CLYBL: variants seen among roughly 807,000 people sequenced by gnomAD.
CLYBL encodes the protein citramalyl-CoA lyase, mitochondrial.
In CLYBL, 31 loss-of-function variants were observed where a neutral mutation model predicts 38.9. The ratio of observed to expected loss-of-function variants is 0.80; its 90% confidence interval spans 0.60 to 1.08. The LOEUF (loss-of-function observed/expected upper bound fraction) is 1.08. Among genes scored for constraint, CLYBL ranks in the 50% least tolerant of loss-of-function variants. The pLI is 0.00. For synonymous variants in CLYBL, 171 were observed against 158.6 expected, an observed-to-expected ratio of 1.08 and a Z score of -0.59; for missense variants, 434 against 411.6, an observed-to-expected ratio of 1.05 and a Z score of -0.47.
chr13:99,857,418 G>GGA (rs2051487335), intron 2 of CLYBL, among the ~76,000 whole-genome samples: 1 of 152,330 alleles, frequency 6.6e-6, no homozygotes, highest in East Asian at 1.9e-4. Context: ...GGTATGATGT[G>GGA]GAACCAAGCC....
chr13:99,770,824 C>T (rs1219211255), intron 1 of CLYBL, among the ~76,000 whole-genome samples: 3 of 151,648 alleles, frequency 2.0e-5, no homozygotes, highest in African/African-American at 7.3e-5. Context: ...TGGGTTCAAG[C>T]GATTCTCCTG....
At chr13:99,757,518 T>C (rs1249500874) in intron 1 of CLYBL, among the ~76,000 whole-genome samples, 1 of 152,208 alleles carries the variant, frequency 6.6e-6, no homozygotes, top group Non-Finnish European at 1.5e-5. Context: ...TGCAGTGGCA[T>C]GATCTCGGCT....
chr13:99,709,945 A>T (rs1294744092), intron 1 of CLYBL, among the ~76,000 whole-genome samples: 2 of 106,648 alleles, frequency 1.9e-5, no homozygotes, highest in Admixed American at 1.3e-4. Flanking sequence ...TTTTTTTGAG[A>T]CGGAGTCTCG....
chr13:99,717,895 T>C (rs1214241098), intron 1 of CLYBL, among the ~76,000 whole-genome samples: 3 of 152,218 alleles, frequency 2.0e-5, no homozygotes, highest in African/African-American at 7.2e-5. Context: ...ATAGGATCAC[T>C]TCAGATTTCC....
In CLYBL at chr13:99,784,447, C is replaced by CTTTTTTTTTTTTTTTTTTTTTTT. The variant is rs1566325856; in HGVS notation, c.249+11438_249+11439insTTTTTTTTTTTTTTTTTTTTTTT. Among the ~76,000 whole-genome samples the CTTTTTTTTTTTTTTTTTTTTTTT allele has an allele frequency of 2.0e-5, 2 of 99,436 alleles. 1 individual carries two copies. Among genetic ancestry groups the CTTTTTTTTTTTTTTTTTTTTTTT allele is most frequent in the African/African-American group, 6.5e-5 (2 of 30,908 alleles). 65.2% of individuals were successfully genotyped at this position (99,436 alleles called of 152,430 possible). On this transcript the variant is annotated intron_variant, in intron 2 of 8. Coordinates refer to ENST00000339105, the MANE Select transcript of CLYBL (RefSeq NM_206808.5). Reference sequence around the variant, plus strand: ...TATTCCTCTGCTTCTGGAAAATTCTCTCTTTTTTTTTTTTTTTTTTTTTTT... The same window carrying CTTTTTTTTTTTTTTTTTTTTTTT: ...TATTCCTCTGCTTCTGGAAAATTCTCTTTTTTTTTTTTTTTTTTTTTTTTCTTTTTTTTTTTTTTTTTTTTTTT...
At chr13:99,786,769 G>A (rs78435683) in intron 2 of CLYBL, among the ~76,000 whole-genome samples, 76,471 of 151,636 alleles carry the variant, frequency 0.5, 23,515 homozygotes, top group African/African-American at 0.86. Context: ...CTAGATGCTT[G>A]AGGAATCGCC....
intron 1 of CLYBL, among the ~76,000 whole-genome samples, chr13:99,608,697 A>G (rs1320920365): frequency 6.6e-6 from 1 of 152,032 alleles, no homozygotes; most frequent in African/African-American, 2.4e-5. Context: ...TCTGTTCTCG[A>G]CATGTCTACC....
At chr13:99,651,783 T>A (rs1262354068) in intron 1 of CLYBL, among the ~76,000 whole-genome samples, 1 of 150,860 alleles carries the variant, frequency 6.6e-6, no homozygotes, top group African/African-American at 2.4e-5. Context: ...TACAAAAAAA[T>A]TAGCCAGGCC....
intron 2 of CLYBL, among the ~76,000 whole-genome samples, chr13:99,826,390 C>A (rs2050696443): frequency 6.6e-6 from 1 of 152,194 alleles, no homozygotes; most frequent in African/African-American, 2.4e-5. Flanking sequence ...ACTTGTCAAT[C>A]CACAGTCTCA....
chr13:99,680,614 A>C (rs1442633895), intron 1 of CLYBL, among the ~76,000 whole-genome samples: 1 of 152,228 alleles, frequency 6.6e-6, no homozygotes, highest in Non-Finnish European at 1.5e-5. Flanking sequence ...TTTTATACCT[A>C]AGTGAGACCT....
chr13:99,640,845 C>A (rs1284275219), intron 1 of CLYBL, among the ~76,000 whole-genome samples: 1 of 152,160 alleles, frequency 6.6e-6, no homozygotes, highest in Non-Finnish European at 1.5e-5. Flanking sequence ...AGATATAGAC[C>A]TAGGCACCTA....
At chr13:99,812,252 G>T (rs2050357312) in intron 2 of CLYBL, among the ~76,000 whole-genome samples, 1 of 152,152 alleles carries the variant, frequency 6.6e-6, no homozygotes, top group Non-Finnish European at 1.5e-5. Context: ...TCTAACAAGG[G>T]ATTGCACACT....
chr13:99,684,035 A>ATTTTTTTTTTTTTTTTTTTTTT (rs778902077), intron 1 of CLYBL, among the ~76,000 whole-genome samples: 1 of 86,376 alleles, frequency 1.2e-5, no homozygotes, highest in Non-Finnish European at 2.2e-5. Context: ...TGCCTGGCTA[A>ATTTTTTTTTTTTTTTTTTTTTT]TTTTTTTTTT....
rs1176000168 is a variant in CLYBL at position 99,646,679 on chromosome 13, A to ATTT, written c.62+39938_62+39940dup. The stretch of plus-strand genomic sequence containing the variant: ...AGGTGCCCGCTACCACACCTGGCTA[A>ATTT]TTTTTTTTTTTTTTTTTTGTATTTT... On this transcript the variant is annotated intron_variant, in intron 1 of 8. Coordinates refer to ENST00000339105, the MANE Select transcript of CLYBL (RefSeq NM_206808.5). Among the ~76,000 whole-genome samples, 10 of 128,858 alleles carry ATTT rather than the reference A, an allele frequency of 7.8e-5. 1 individual carries two copies. Among genetic ancestry groups the ATTT allele is most frequent in the African/African-American group, 1.5e-4 (5 of 33,598 alleles). 84.5% of individuals were successfully genotyped at this position (128,858 alleles called of 152,430 possible).
chr13:99,727,279 C>T (rs1643903441), intron 1 of CLYBL: 2 of 152,106 alleles, frequency 1.3e-5, no homozygotes, highest in South Asian at 4.1e-4. Context: ...ATACTTCCTA[C>T]AGTGGATTTC....
chr13:99,660,406 C>T (rs1381288167), intron 1 of CLYBL, among the ~76,000 whole-genome samples: 2 of 152,124 alleles, frequency 1.3e-5, no homozygotes, highest in Non-Finnish European at 2.9e-5. Flanking sequence ...ACTCTGTTGC[C>T]CCAAGTCCCC....
chr13:99,764,847 A>AT (rs756835141), intron 1 of CLYBL, among the ~76,000 whole-genome samples: 4,429 of 140,120 alleles, frequency 0.032, 217 homozygotes, highest in African/African-American at 0.11. Context: ...TGCCTGGCTA[A>AT]TTTTTTTTTT....
intron 1 of CLYBL, among the ~76,000 whole-genome samples, chr13:99,741,791 T>G (rs1040823172): frequency 4.1e-4 from 62 of 152,332 alleles, no homozygotes; most frequent in Middle Eastern, 6.8e-3. Flanking sequence ...ATATGTAGTG[T>G]CTCTAACCAT....
chr13:99,622,655 A>G (rs1190065132), intron 1 of CLYBL, among the ~76,000 whole-genome samples: 1 of 152,086 alleles, frequency 6.6e-6, no homozygotes, highest in Non-Finnish European at 1.5e-5. Flanking sequence ...AAACATTTTC[A>G]TCGCCCTAAA....
Sources: gnomAD v4.1 joint callset for allele counts (sites outside exome capture counted in the v4.1 genomes callset) on GRCh38, gnomAD v4.1.1 for gene constraint, MANE v1.5 for transcripts, NCBI Gene and HGNC (gene_info 2026-07-23, HGNC 2026-07-21) for gene names.